The following TRMT10A variants were observed in gnomAD, a reference collection of about 807,000 sequenced individuals.
TRMT10A encodes tRNA methyltransferase 10 homolog A.
In TRMT10A, 37 loss-of-function variants were observed where a neutral mutation model predicts 40.4. The ratio of observed to expected loss-of-function variants is 0.92; its 90% CI spans 0.71 to 1.21. The LOEUF (loss-of-function observed/expected upper bound fraction) is 1.21. Ranked by LOEUF, TRMT10A falls within the 50% of genes most tolerant of loss-of-function variation. The probability of loss-of-function intolerance (pLI) is 0.00; values close to 1 mark genes in which losing one functional copy is unlikely to be tolerated. For synonymous variants in TRMT10A, 103 were observed against 134.1 expected (o/e 0.77, Z 1.60); for missense variants, 388 against 404.3 (o/e 0.96, Z 0.35).
intron 1 of TRMT10A, 189 bp downstream of exon 1, chr4:99,563,724 G>C (rs1242097459): frequency 5.2e-6 from 2 of 385,094 alleles, no homozygotes; most frequent in African/African-American, 4.2e-5. Flanking sequence ...AGCTGGGTAG[G>C]CCGCGGGGGG....
intron 1 of TRMT10A, among the ~76,000 whole-genome samples, chr4:99,560,385 A>G (rs1724340912): frequency 6.6e-6 from 1 of 152,180 alleles, no homozygotes; most frequent in African/African-American, 2.4e-5. Flanking sequence ...GTTCAATAGA[A>G]GAGACAAACT....
intron 4 of TRMT10A, among the ~76,000 whole-genome samples, chr4:99,557,117 G>C (rs1724190281): frequency 6.6e-6 from 1 of 152,090 alleles, no homozygotes; most frequent in South Asian, 2.1e-4. Context: ...GCAATGAAAA[G>C]GCCAATTTGT....
intron 6 of TRMT10A, among the ~76,000 whole-genome samples, chr4:99,552,389 T>C (rs1002961096): frequency 6.6e-6 from 1 of 152,176 alleles, no homozygotes; most frequent in Non-Finnish European, 1.5e-5. Context: ...TATGTTACAA[T>C]TGTCTACACT....
At position 99,563,984 on chromosome 4, in the gene TRMT10A, A is replaced by G; in HGVS notation, c.-95T>C. On this transcript the variant is annotated 5_prime_UTR_variant, in exon 1 of 8. Coordinates refer to ENST00000394876, the MANE Select transcript of TRMT10A (RefSeq NM_001134665.3). The stretch of plus-strand genomic sequence containing the variant: ...TTCTGGGTTGGCCTGGTTACGGCTC[A>G]CGCTTCCTTCCACAGAAACTTCAAT... 1 of 1,380,656 alleles carries G rather than the reference A, an allele frequency of 7.2e-7. No individual in the cohort carries two copies. The highest frequency in any genetic ancestry group is 9.9e-7 in the Non-Finnish European group (1 of 1,006,890). 85.5% of individuals were successfully genotyped at this position (1,380,656 alleles called of 1,614,324 possible). A position where few individuals can be genotyped will look rare whatever the true frequency, so the allele number is the denominator to read the frequency against.
At chr4:99,549,748 C>T (rs769363989) in intron 7 of TRMT10A, among the ~76,000 whole-genome samples, 80 of 152,202 alleles carry the variant, frequency 5.3e-4, no homozygotes, top group Non-Finnish European at 1.0e-3. Context: ...ACACTAGGAT[C>T]TCCTTGACTG....
At chr4:99,557,898 A>C in intron 3 of TRMT10A, 151 bp downstream of exon 3, 2 of 662,904 alleles carry the variant, frequency 3.0e-6, no homozygotes, top group Non-Finnish European at 4.9e-6. Flanking sequence ...TATCAATGCA[A>C]TTTGCTAGCT....
intron 5 of TRMT10A, 34 bp from the exon 6 acceptor site, chr4:99,553,968 A>G: frequency 6.3e-7 from 1 of 1,590,704 alleles, no homozygotes. Flanking sequence ...TTACTAATTA[A>G]TAAGACCTTA....
Position 99,559,257 on chromosome 4 carries a change from T to C in TRMT10A, c.82A>G (p.Ser28Gly). ...CCTTCACCTAATCTTGGCTTCTGGCTCTCCTCTTGATCTTCATTTATGCCT... is the reference window on the plus strand; with the variant it reads ...CCTTCACCTAATCTTGGCTTCTGGCCCTCCTCTTGATCTTCATTTATGCCT... Reference protein sequence around the residue: ...KQGINEDQEESQKPRLGEGCE... With the variant: ...KQGINEDQEEGQKPRLGEGCE... The change falls in exon 2 of 8, where the codon AGC (serine) becomes GGC (glycine). Residue 28 changes from serine to glycine, a missense_variant. Transcript: ENST00000394876. The C allele has an allele frequency of 1.2e-6, 2 of 1,613,744 alleles. No homozygotes were observed. The highest frequency in any genetic ancestry group is 1.7e-6 in the Non-Finnish European group (2 of 1,179,712).
intron 1 of TRMT10A, among the ~76,000 whole-genome samples, chr4:99,560,496 TAA>T: frequency 6.6e-6 from 1 of 152,034 alleles, no homozygotes; most frequent in South Asian, 2.1e-4. Context: ...GGAGGAGCAG[TAA>T]AGACTTGGAT....
intron 1 of TRMT10A, 47 bp from the exon 2 acceptor site, chr4:99,559,408 C>T: frequency 1.6e-6 from 2 of 1,231,540 alleles, no homozygotes; most frequent in Non-Finnish European, 2.3e-6. Flanking sequence ...AGTTAAAAAA[C>T]TCAAATAATC....
rs1038618502 is a variant in TRMT10A at position 99,556,619 on chromosome 4, T to C, written c.421-399A>G. 7.9e-5 allele frequency among the ~76,000 whole-genome samples: 12 copies of C among 152,050 alleles called. No homozygotes were observed. The East Asian group carries it at 2.3e-3, about 29-fold the overall frequency. The stretch of plus-strand genomic sequence containing the variant: ...CACCTATTTAAGTTTGAATCAAGGG[T>C]GAGAAGGGGTCTACTACAGATAAAA... On this transcript the variant is annotated intron_variant, in intron 4 of 7. Transcript: ENST00000394876.
At chr4:99,552,841 A>G (rs1216013185) in intron 6 of TRMT10A, among the ~76,000 whole-genome samples, 1 of 152,128 alleles carries the variant, frequency 6.6e-6, no homozygotes, top group Non-Finnish European at 1.5e-5. Context: ...AACAGAGTAC[A>G]GGAGAAAGAA....
intron 4 of TRMT10A, among the ~76,000 whole-genome samples, chr4:99,556,958 A>G (rs949621420): frequency 1.3e-5 from 2 of 152,186 alleles, no homozygotes; most frequent in Admixed American, 6.5e-5. Flanking sequence ...GACAAAATCT[A>G]TACAACAGAT....
At chr4:99,563,769 C>A in intron 1 of TRMT10A, 144 bp downstream of exon 1, 2 of 478,020 alleles carry the variant, frequency 4.2e-6, no homozygotes. Context: ...TCAGCAAGAG[C>A]GCCGCAGGAA....
intron 1 of TRMT10A, among the ~76,000 whole-genome samples, chr4:99,563,105 GT>G (rs1468968249): frequency 6.6e-6 from 1 of 152,242 alleles, no homozygotes; most frequent in Non-Finnish European, 1.5e-5. Flanking sequence ...ACAGACGTGA[GT>G]CACCGCGCCC....
chr4:99,563,380 C>T (rs145222929), intron 1 of TRMT10A: 1 of 154,634 alleles, frequency 6.5e-6, no homozygotes, highest in East Asian at 1.9e-4. Flanking sequence ...GCAGCAACTT[C>T]CCCTCGGGCT....
Position 99,550,887 on chromosome 4 carries a change from T to C in TRMT10A, c.749A>G (p.His250Arg), listed in dbSNP as rs1448609416. The change falls in exon 7 of 8, where the codon CAT becomes CGT. Residue 250 changes from histidine to arginine, a missense_variant and splice_region_variant. Physicochemically the swap from His to Arg is conservative, Grantham distance 29 (BLOSUM62 0). Coordinates refer to ENST00000394876, the MANE Select transcript of TRMT10A (RefSeq NM_001134665.3). Reference protein sequence around the residue: ...MNSRKVLAVNHVFEIILEYLE... With the variant: ...MNSRKVLAVNRVFEIILEYLE... ...TCAGTTTATCCCTTACAGCTTACCATGATTAACTGCCAAAACTTTTCGACT... is the reference window on the plus strand; with the variant it reads ...TCAGTTTATCCCTTACAGCTTACCACGATTAACTGCCAAAACTTTTCGACT... The C allele has an allele frequency of 2.5e-6, 4 of 1,610,644 alleles. No individual in the cohort carries two copies. In the Admixed American group the frequency reaches 6.7e-5, roughly 27 times the overall value.
At chr4:99,553,754 A>G in intron 6 of TRMT10A, 31 bp downstream of exon 6, 1 of 1,578,660 alleles carries the variant, frequency 6.3e-7, no homozygotes, top group East Asian at 2.2e-5. Flanking sequence ...TTTAAGAACA[A>G]GCAAAAGCAA....
intron 1 of TRMT10A, 70 bp downstream of exon 1, chr4:99,563,843 G>C (rs1283828169): frequency 1.5e-6 from 1 of 667,304 alleles, no homozygotes; most frequent in African/African-American, 1.8e-5. Flanking sequence ...GGGGCTGCAT[G>C]GCACGCGCCC....
Sources: gnomAD v4.1 joint callset for allele counts (sites outside exome capture counted in the v4.1 genomes callset) on GRCh38, gnomAD v4.1.1 for gene constraint, MANE v1.5 for transcripts, NCBI Gene and HGNC (gene_info 2026-07-23, HGNC 2026-07-21) for gene names.